Variants in SLC39A11 observed in about 807,000 individuals in gnomAD.
SLC39A11 encodes solute carrier family 39 member 11.
In SLC39A11, 33 loss-of-function variants were observed where a neutral mutation model predicts 36.1. The ratio of observed to expected loss-of-function variants is 0.91; its 90% CI spans 0.69 to 1.22. The LOEUF (loss-of-function observed/expected upper bound fraction) is 1.22, where lower values mean the gene tolerates loss of function less well. Ranked by LOEUF, SLC39A11 falls within the 50% of genes most tolerant of loss-of-function variation. SLC39A11 has a pLI of 0.00. For synonymous variants in SLC39A11, 166 were observed against 170.3 expected, an observed-to-expected ratio of 0.97 and a Z score of 0.20; for missense variants, 432 against 430.3, an observed-to-expected ratio of 1.00 and a Z score of -0.03.
chr17:73,061,559 A>G (rs1182121582), intron 3 of SLC39A11, among the ~76,000 whole-genome samples: 1 of 152,246 alleles, frequency 6.6e-6, no homozygotes, highest in Non-Finnish European at 1.5e-5. Context: ...ATGATGACCT[A>G]TTCATTGGAC....
At chr17:72,715,148 C>A (rs949018542) in intron 7 of SLC39A11, among the ~76,000 whole-genome samples, 6 of 152,190 alleles carry the variant, frequency 3.9e-5, no homozygotes, top group African/African-American at 1.4e-4. Flanking sequence ...ACGAAAGGGG[C>A]CCCGGGAGCC....
intron 4 of SLC39A11, among the ~76,000 whole-genome samples, chr17:73,015,987 T>C (rs953008697): frequency 3.9e-5 from 6 of 152,208 alleles, no homozygotes; most frequent in African/African-American, 1.4e-4. Flanking sequence ...GAGGAGAATA[T>C]AGCCATCTTG....
chr17:72,790,956 C>T (rs1393271564), intron 6 of SLC39A11, among the ~76,000 whole-genome samples: 5 of 152,214 alleles, frequency 3.3e-5, no homozygotes, highest in African/African-American at 1.2e-4. Context: ...AACTTAGCCA[C>T]GTTGAAGACA....
At chr17:72,892,737 A>G (rs1008819848) in intron 5 of SLC39A11, among the ~76,000 whole-genome samples, 1 of 152,176 alleles carries the variant, frequency 6.6e-6, no homozygotes, top group African/African-American at 2.4e-5. Flanking sequence ...CCACAATCCA[A>G]CCAGTAAACT....
chr17:73,088,139 C>A (rs980154593), intron 2 of SLC39A11, among the ~76,000 whole-genome samples: 4 of 151,804 alleles, frequency 2.6e-5, no homozygotes, highest in Non-Finnish European at 1.5e-5. Context: ...ACTAAAAATA[C>A]AAAAATTAGC....
rs1179234264 is a variant in SLC39A11 at position 72,985,413 on chromosome 17, T to TA, written c.307-37539_307-37538insT. 3.7e-4 allele frequency among the ~76,000 whole-genome samples: 51 copies of TA among 136,320 alleles called. 2 individuals carry two copies. Among genetic ancestry groups the TA allele is most frequent in the Admixed American group, 3.4e-3 (47 of 13,798 alleles). 89.4% of individuals were successfully genotyped at this position (136,320 alleles called of 152,430 possible). A position where few individuals can be genotyped will look rare whatever the true frequency, so the allele number is the denominator to read the frequency against. ...TTATTTGCATGGGGCCTGCCTTTTTTTTTTTTTTTTTTTTTTTGAGACAGA... is the reference window on the plus strand; with the variant it reads ...TTATTTGCATGGGGCCTGCCTTTTTTATTTTTTTTTTTTTTTTTGAGACAGA... On this transcript the variant is annotated intron_variant, in intron 4 of 9. Coordinates refer to ENST00000255559, the MANE Select transcript of SLC39A11 (RefSeq NM_139177.4).
At chr17:73,069,760 T>C (rs1021627159) in intron 3 of SLC39A11, among the ~76,000 whole-genome samples, 14 of 152,330 alleles carry the variant, frequency 9.2e-5, no homozygotes, top group South Asian at 8.3e-4. Flanking sequence ...TTCAAAAGAA[T>C]TGATACTCAG....
intron 4 of SLC39A11, among the ~76,000 whole-genome samples, chr17:72,962,428 A>G (rs1004838961): frequency 6.6e-6 from 1 of 152,152 alleles, no homozygotes; most frequent in African/African-American, 2.4e-5. Flanking sequence ...TGTTGTAAGA[A>G]TTACGTTTCT....
intron 5 of SLC39A11, among the ~76,000 whole-genome samples, chr17:72,889,069 C>G (rs567632626): frequency 6.6e-5 from 10 of 152,258 alleles, no homozygotes; most frequent in Admixed American, 2.0e-4. Context: ...CAGGGCAAAT[C>G]TCTATTTGCC....
chr17:72,752,752 A>C (rs914838127), intron 6 of SLC39A11, among the ~76,000 whole-genome samples: 1 of 152,066 alleles, frequency 6.6e-6, no homozygotes, highest in Admixed American at 6.5e-5. Flanking sequence ...TGCTGCTGAA[A>C]AGTCTGATGC....
intron 3 of SLC39A11, among the ~76,000 whole-genome samples, chr17:73,065,143 G>A (rs997451414): frequency 2.0e-5 from 3 of 152,288 alleles, no homozygotes; most frequent in South Asian, 4.1e-4. Context: ...AGTGGCTCAC[G>A]TCTGTAATCC....
At chr17:72,728,602 A>C (rs1360369922) in intron 7 of SLC39A11, among the ~76,000 whole-genome samples, 1 of 152,214 alleles carries the variant, frequency 6.6e-6, no homozygotes, top group Non-Finnish European at 1.5e-5. Context: ...GCCAAAGACA[A>C]TATGTAAACA....
intron 7 of SLC39A11, among the ~76,000 whole-genome samples, chr17:72,728,967 C>A (rs1298373822): frequency 6.6e-6 from 1 of 152,202 alleles, no homozygotes; most frequent in Non-Finnish European, 1.5e-5. Flanking sequence ...AGTCCTCATT[C>A]TCATGGTCAT....
chr17:73,050,053 A>C (rs902250359), intron 3 of SLC39A11, among the ~76,000 whole-genome samples: 1 of 152,152 alleles, frequency 6.6e-6, no homozygotes, highest in Non-Finnish European at 1.5e-5. Flanking sequence ...CCCGGGAAGA[A>C]GAGGTTGCAG....
rs1474942860 is a variant in SLC39A11, at chr17:72,830,368, G to A, written c.601+19266C>T. Among the ~76,000 whole-genome samples the A allele has an allele frequency of 2.6e-5, 4 of 152,028 alleles. No homozygotes were observed. The East Asian group carries it at 5.8e-4, about 22-fold the overall frequency. On this transcript the variant is annotated intron_variant, in intron 6 of 9. Coordinates refer to ENST00000255559, the MANE Select transcript of SLC39A11 (RefSeq NM_139177.4). ...TAAATCAGGAACACCAGAATTAAGA[G>A]GAAGGTAGCCATGCAAAACTCAACA...
chr17:72,946,372 C>A (rs183505910), intron 5 of SLC39A11, among the ~76,000 whole-genome samples: 1 of 152,326 alleles, frequency 6.6e-6, no homozygotes, highest in Admixed American at 6.5e-5. Context: ...CATTTGAGTT[C>A]TCCATGAATA....
intron 7 of SLC39A11, among the ~76,000 whole-genome samples, chr17:72,665,602 T>A (rs1457445844): frequency 6.6e-6 from 1 of 151,822 alleles, no homozygotes; most frequent in African/African-American, 2.4e-5. Context: ...TTCCCCGGCT[T>A]GTCTTGAATT....
In SLC39A11 at chr17:72,955,298, C is replaced by CTTTTTTTTTTTTTTTTTTTTTTTTTTTT. The variant is rs71359751; in HGVS notation, c.307-7424_307-7423insAAAAAAAAAAAAAAAAAAAAAAAAAAAA. ...GAATAGGCTTTAACTTTTCAGTTCT[C>CTTTTTTTTTTTTTTTTTTTTTTTTTTTT]TTTTTTTTTTTTTTTTTTTTGTTTG... On this transcript the variant is annotated intron_variant, in intron 4 of 9. Coordinates refer to ENST00000255559, the MANE Select transcript of SLC39A11 (RefSeq NM_139177.4). 1.1e-4 allele frequency among the ~76,000 whole-genome samples: 7 copies of CTTTTTTTTTTTTTTTTTTTTTTTTTTTT among 65,574 alleles called. 1 individual carries two copies. Among genetic ancestry groups the CTTTTTTTTTTTTTTTTTTTTTTTTTTTT allele is most frequent in the Non-Finnish European group, 1.0e-4 (4 of 38,258 alleles). 43.0% of individuals were successfully genotyped at this position (65,574 alleles called of 152,430 possible). A position where few individuals can be genotyped will look rare whatever the true frequency, so the allele number is the denominator to read the frequency against.
chr17:73,066,353 G>A (rs895580288), intron 3 of SLC39A11, among the ~76,000 whole-genome samples: 1 of 152,176 alleles, frequency 6.6e-6, no homozygotes, highest in Non-Finnish European at 1.5e-5. Context: ...GCACCCAGCT[G>A]AGCCCAGCAA....
Sources: allele counts gnomAD v4.1 joint callset (sites outside exome capture counted in the v4.1 genomes callset), GRCh38; gene constraint gnomAD v4.1.1; transcripts MANE v1.5; gene names NCBI Gene and HGNC (gene_info 2026-07-23, HGNC 2026-07-21).